Variants in ITGA5 observed in about 807,000 individuals in gnomAD.
ITGA5 encodes integrin subunit alpha 5, also known as integrin alpha-5.
ITGA5 carries 55 observed loss-of-function variants against 146.3 expected under a neutral mutation model. That is an observed-to-expected ratio of 0.38 (90% CI 0.30 to 0.47). ITGA5 has a LOEUF of 0.47. Among genes scored for constraint, ITGA5 ranks in the 20% least tolerant of loss-of-function variants. ITGA5 has a pLI of 0.99. For synonymous variants in ITGA5, 500 were observed against 531.8 expected, an observed-to-expected ratio of 0.94 and a Z score of 0.82; for missense variants, 1,131 against 1,329.0, an observed-to-expected ratio of 0.85 and a Z score of 2.32.
chr12:54,406,948 G>C (rs748244849), intron 9 of ITGA5, among the ~76,000 whole-genome samples: 1 of 152,224 alleles, frequency 6.6e-6, no homozygotes, highest in African/African-American at 2.4e-5. Context: ...TTTGGATTAA[G>C]AGAGACCTGA....
Position 54,396,134 on chromosome 12 carries a change from C to G in ITGA5, c.*159G>C. ...GGGGGGAGGGATCCCCAGCTCCTCA[C>G]CCCCCTGGCTCTGGCCCTTCAAGTA... On this transcript the variant is annotated 3_prime_UTR_variant, in exon 30 of 30. Transcript: ENST00000293379. The G allele has an allele frequency of 1.7e-6, 1 of 605,434 alleles. No individual in the cohort carries two copies. 37.5% of individuals were successfully genotyped at this position (605,434 alleles called of 1,614,324 possible). A position where few individuals can be genotyped will look rare whatever the true frequency, so the allele number is the denominator to read the frequency against.
chr12:54,398,810 C>G, intron 27 of ITGA5, 112 bp from the exon 28 acceptor site: 1 of 536,648 alleles, frequency 1.9e-6, no homozygotes, highest in Non-Finnish European at 3.2e-6. Flanking sequence ...GCTCATTCTT[C>G]CTGAGTCTCT....
In ITGA5 at chr12:54,405,205, A is replaced by G; in HGVS notation, c.1186T>C (p.Leu396=). 1.9e-6 allele frequency: 3 copies of G among 1,611,916 alleles called. No homozygotes were observed. Among genetic ancestry groups the G allele is most frequent in the Middle Eastern group, 1.7e-4 (1 of 6,054 alleles). The change falls in exon 12 of 30, where the codon TTG becomes CTG. Residue 396 remains leucine (L), a synonymous_variant. Transcript: ENST00000293379. ...TGGTCCAGGTCCCCCAGGGGGGTCA[A>G]GGAGCTGCCAAATCGGCCAAACTCA... ...HDEFGRFGSS[L]TPLGDLDQDG...
chr12:54,401,742 G>C lies in ITGA5; in HGVS notation c.2306+34C>G, dbSNP rs1442169633. 2.5e-6 allele frequency: 4 copies of C among 1,611,848 alleles called. No homozygotes were observed. In the Admixed American group the frequency reaches 5.0e-5, roughly 20 times the overall value. On this transcript the variant is annotated intron_variant, in intron 22 of 29. Transcript: ENST00000293379. The surrounding 1 kb of genome is among the most constrained non-coding windows in gnomAD (Gnocchi z 5.0). ...CGCCCAGCCCTCCCTTCCGTCCCCA[G>C]CTCAGCCCCAGCCTAGACACACTCA... is the stretch of plus-strand genomic sequence containing the variant.
intron 25 of ITGA5, 82 bp downstream of exon 25, chr12:54,400,764 G>GCC (rs1267847941): frequency 1.4e-6 from 2 of 1,405,698 alleles, no homozygotes; most frequent in Non-Finnish European, 2.0e-6. Flanking sequence ...CCTCTTGCAG[G>GCC]CCCCCAGCAA....
chr12:54,414,802 A>G (rs540043513), intron 1 of ITGA5, among the ~76,000 whole-genome samples: 6 of 149,228 alleles, frequency 4.0e-5, no homozygotes, highest in South Asian at 2.2e-4. Flanking sequence ...AGCCGAGATC[A>G]CGCCACTACA....
At position 54,396,149 on chromosome 12, in the gene ITGA5, C is replaced by A; in HGVS notation, c.*144G>T. On this transcript the variant is annotated 3_prime_UTR_variant, in exon 30 of 30. Transcript: ENST00000293379. ...CAGCTCCTCACCCCCCTGGCTCTGG[C>A]CCTTCAAGTATGTCTCTGGGCTGGG... The A allele has an allele frequency of 1.6e-6, 1 of 643,948 alleles. No homozygotes were observed. The highest frequency in any genetic ancestry group is 2.7e-6 in the Non-Finnish European group (1 of 364,226). 39.9% of individuals were successfully genotyped at this position (643,948 alleles called of 1,614,324 possible).
chr12:54,401,785 T>C lies in ITGA5; in HGVS notation c.2297A>G (p.Gln766Arg). The change falls in exon 22 of 30, where the codon CAG (glutamine) becomes CGG (arginine). Residue 766 changes from glutamine (Q) to arginine (R), a missense_variant. Physicochemically the swap from Gln to Arg is conservative, Grantham distance 43. Around this residue, in one of 3 missense-constraint regions of ITGA5, gnomAD observed 889 missense variants for 1,021.5 expected, o/e 0.87. Coordinates refer to ENST00000293379, the MANE Select transcript of ITGA5 (RefSeq NM_002205.5). The surrounding 1 kb of genome is among the most constrained non-coding windows in gnomAD (Gnocchi z 5.0). ...CACACTCACTCCCTACCTGAGGATC[T>C]GGAAGTCAAACTGGATGGTTTTCTT... is the stretch of plus-strand genomic sequence containing the variant. Reference protein sequence around the residue: ...DTKKTIQFDFQILSKNLNNSQ... With the variant: ...DTKKTIQFDFRILSKNLNNSQ... 6.2e-7 allele frequency: 1 copy of C among 1,614,108 alleles called. No homozygotes were observed. The highest frequency in any genetic ancestry group is 1.1e-5 in the South Asian group (1 of 91,084).
At chr12:54,418,178 A>G (rs1035357455) in intron 1 of ITGA5, among the ~76,000 whole-genome samples, 1 of 151,874 alleles carries the variant, frequency 6.6e-6, no homozygotes, top group Non-Finnish European at 1.5e-5. Flanking sequence ...TCCTCCCAAG[A>G]GCCAGAGGAA....
At chr12:54,407,579 A>G in intron 9 of ITGA5, 70 bp downstream of exon 9, 1 of 1,350,140 alleles carries the variant, frequency 7.4e-7, no homozygotes. Context: ...AGCCCTTGCA[A>G]ACTGCCATGC....
At position 54,401,856 on chromosome 12, in the gene ITGA5, C is replaced by A; in HGVS notation, c.2227-1G>T. The A allele has an allele frequency of 6.2e-7, 1 of 1,614,042 alleles. No individual in the cohort carries two copies. The highest frequency in any genetic ancestry group is 8.5e-7 in the Non-Finnish European group (1 of 1,179,904). On this transcript the variant is annotated splice_acceptor_variant, in intron 21 of 29. Transcript: ENST00000293379. LOFTEE classifies it high-confidence loss of function. This position sits in a 1 kb window ranked among gnomAD's most constrained non-coding sequence, Gnocchi z 5.0. Reference sequence around the variant, plus strand: ...CTGTAAACCGAAGGCCACCCCACAGCTGGGGACAGAAAAAGAGGAAAAGAG... The same window carrying A: ...CTGTAAACCGAAGGCCACCCCACAGATGGGGACAGAAAAAGAGGAAAAGAG...
At chr12:54,402,372 C>A in intron 19 of ITGA5, 42 bp from the exon 20 acceptor site, 1 of 1,563,612 alleles carries the variant, frequency 6.4e-7, no homozygotes, top group Non-Finnish European at 8.7e-7. Flanking sequence ...GTGAATTAAT[C>A]CTCAAACCAG....
In ITGA5 at chr12:54,409,291, G is replaced by A. The variant is rs749481271; in HGVS notation, c.524C>T (p.Thr175Ile). ...EKEPLSDPVG[T>I]CYLSTDNFTR... ...GAAGTTATCTGTGGAGAGGTAGCAGGTGCCCACGGGGTCGCTCAGTGGCTC... is the reference window on the plus strand; with the variant it reads ...GAAGTTATCTGTGGAGAGGTAGCAGATGCCCACGGGGTCGCTCAGTGGCTC... Residue 175 changes from threonine (T) to isoleucine (I), a missense_variant, in exon 4 of 30, where the codon ACC becomes ATC. Thr to Ile is a moderately conservative substitution (Grantham distance 89). Coordinates refer to ENST00000293379, the MANE Select transcript of ITGA5 (RefSeq NM_002205.5). The surrounding 1 kb of genome is among the most constrained non-coding windows in gnomAD (Gnocchi z 4.7). The A allele has an allele frequency of 6.2e-7, 1 of 1,614,078 alleles. No individual in the cohort carries two copies. Among genetic ancestry groups the A allele is most frequent in the Non-Finnish European group, 8.5e-7 (1 of 1,180,026 alleles).
chr12:54,403,309 G>A lies in ITGA5; in HGVS notation c.1792C>T (p.Arg598Ter), dbSNP rs1414929192. The A allele has an allele frequency of 2.6e-6, 4 of 1,531,684 alleles. No homozygotes were observed. Among genetic ancestry groups the A allele is most frequent in the East Asian group, 2.3e-5 (1 of 43,934 alleles). 94.9% of individuals were successfully genotyped at this position (1,531,684 alleles called of 1,614,324 possible). ...KIYLRNESEF[R>*]DKLSPIHIAL... ...ATGTGAATCGGCGAGAGTTTGTCTC[G>A]AAATTCTGACTCGTTCTGGGGCCAG... The change falls in exon 18 of 30, where the codon CGA becomes TGA. Residue 598 changes from arginine to a stop codon, truncating the protein, a stop_gained. Transcript: ENST00000293379. LOFTEE classifies it high-confidence loss of function. The surrounding 1 kb of genome is among the most constrained non-coding windows in gnomAD (Gnocchi z 4.9).
chr12:54,404,583 C>CGCCCTCT, intron 13 of ITGA5, 108 bp from the exon 14 acceptor site: 2 of 1,492,006 alleles, frequency 1.3e-6, no homozygotes, highest in Non-Finnish European at 1.9e-6. Flanking sequence ...GAGAAGACAG[C>CGCCCTCT]GCCCTCTGTT....
chr12:54,407,555 G>C, intron 9 of ITGA5, 94 bp downstream of exon 9: 1 of 1,035,690 alleles, frequency 9.7e-7, no homozygotes, highest in Non-Finnish European at 1.5e-6. Context: ...CCCATGTTCT[G>C]ATCCACCTTT....
chr12:54,408,162 C>G lies in ITGA5; in HGVS notation c.765G>C (p.Gln255His). Reference sequence around the variant, plus strand: ...TGGCCTGGCGAGTCTGCAGCTGCCCCTGAACCAGGTTGATCAGGTACTCGG... The same window carrying G: ...TGGCCTGGCGAGTCTGCAGCTGCCCGTGAACCAGGTTGATCAGGTACTCGG... ...YYPEYLINLV[Q>H]GQLQTRQASS... is the part of the protein sequence containing the mutation. The change falls in exon 7 of 30, where the codon CAG becomes CAC. Residue 255 changes from glutamine to histidine, a missense_variant. Gln to His is a conservative substitution (Grantham distance 24, BLOSUM62 0). Around this residue, in one of 3 missense-constraint regions of ITGA5, gnomAD observed 889 missense variants for 1,021.5 expected, o/e 0.87. Coordinates refer to ENST00000293379, the MANE Select transcript of ITGA5 (RefSeq NM_002205.5). 6.2e-7 allele frequency: 1 copy of G among 1,614,170 alleles called. No individual in the cohort carries two copies.
rs149348150 is a variant in ITGA5 at position 54,403,249 on chromosome 12, C to A, written c.1852G>T (p.Val618Leu). 70 of 1,568,686 alleles carry A rather than the reference C, an allele frequency of 4.5e-5. 1 individual carries two copies. In the South Asian group the frequency reaches 7.4e-4, roughly 17 times the overall value. The change falls in exon 18 of 30, where the codon GTG becomes TTG. Residue 618 changes from valine to leucine, a missense_variant. Val to Leu is a conservative substitution (Grantham distance 32, BLOSUM62 1). Coordinates refer to ENST00000293379, the MANE Select transcript of ITGA5 (RefSeq NM_002205.5). This position sits in a 1 kb window ranked among gnomAD's most constrained non-coding sequence, Gnocchi z 4.9. The stretch of plus-strand genomic sequence containing the variant: ...GCTGGCCTGAGGCCGTGGCTGTCCA[C>A]TGGGGCTTGGGGGTCCAAGGAGAAG... Reference protein sequence around the residue: ...LNFSLDPQAPVDSHGLRPALH... With the variant: ...LNFSLDPQAPLDSHGLRPALH...
At position 54,400,852 on chromosome 12, in the gene ITGA5, G is replaced by T; in HGVS notation, c.2637C>A (p.Gly879=). 1 of 1,613,892 alleles carries T rather than the reference G, an allele frequency of 6.2e-7. No individual in the cohort carries two copies. The highest frequency in any genetic ancestry group is 1.1e-5 in the South Asian group (1 of 91,074). The part of the protein sequence containing the change: ...CTTNHPINPK[G]LELDPEGSLH... ...CCAGTGTTCAGGATCTCACCTCCAG[G>T]CCCTTTGGGTTAATGGGGTGATTGG... Residue 879 remains glycine (G), a synonymous_variant, in exon 25 of 30, where the codon GGC becomes GGA. Coordinates refer to ENST00000293379, the MANE Select transcript of ITGA5 (RefSeq NM_002205.5).
Sources: allele counts gnomAD v4.1 joint callset (sites outside exome capture counted in the v4.1 genomes callset), GRCh38; gene constraint gnomAD v4.1.1; regional missense constraint gnomAD v4.1.1; non-coding constraint Gnocchi (gnomAD v3.1); transcripts MANE v1.5; gene names NCBI Gene and HGNC (gene_info 2026-07-23, HGNC 2026-07-21).